Variants in ZGPAT observed in about 807,000 individuals in gnomAD.
The protein encoded by ZGPAT is zinc finger CCCH-type and G-patch domain containing.
A neutral mutation model predicts 47.9 loss-of-function variants in ZGPAT; 39 were observed. The ratio of observed to expected loss-of-function variants is 0.81; its 90% CI spans 0.63 to 1.06. ZGPAT has a LOEUF of 1.06. ZGPAT is among the 50% of genes least tolerant of loss of function. The pLI is 0.00. For missense variants in ZGPAT, 717 were observed against 681.4 expected, an observed-to-expected ratio of 1.05 and a Z score of -0.58; for synonymous variants, 348 against 292.9, an observed-to-expected ratio of 1.19 and a Z score of -1.92.
intron 2 of ZGPAT, among the ~76,000 whole-genome samples, chr20:63,711,740 G>A (rs1188915116): frequency 5.3e-5 from 8 of 151,916 alleles, no homozygotes; most frequent in African/African-American, 1.2e-4. Context: ...CTGTCACCAC[G>A]TGGTGCCCAG....
chr20:63,724,246 A>G (rs953911726), intron 2 of ZGPAT, among the ~76,000 whole-genome samples: 3 of 151,824 alleles, frequency 2.0e-5, no homozygotes, highest in Non-Finnish European at 2.9e-5. Context: ...GGTGTCTGTA[A>G]TCCCAGCTAC....
At chr20:63,729,270 TCCGC>T (rs1475979050) in intron 2 of ZGPAT, among the ~76,000 whole-genome samples, 1 of 152,166 alleles carries the variant, frequency 6.6e-6, no homozygotes. Flanking sequence ...CCTCAAGTGA[TCCGC>T]CTACCTCAGC....
At chr20:63,733,468 C>T in intron 3 of ZGPAT, 116 bp downstream of exon 3, 1 of 1,597,698 alleles carries the variant, frequency 6.3e-7, no homozygotes, top group East Asian at 2.2e-5. Context: ...GGCTCTGGGC[C>T]CGAAATGAGC....
chr20:63,731,585 CAT>C (rs1318971078), intron 2 of ZGPAT, among the ~76,000 whole-genome samples: 3 of 140,154 alleles, frequency 2.1e-5, no homozygotes, highest in Non-Finnish European at 4.6e-5. Context: ...CATGTGCATA[CAT>C]GTGTAAAGTG....
chr20:63,709,378 C>T (rs1170954460), intron 2 of ZGPAT, among the ~76,000 whole-genome samples: 2 of 152,180 alleles, frequency 1.3e-5, no homozygotes, highest in East Asian at 3.9e-4. Flanking sequence ...TGGCTCACGC[C>T]TGTAATCCCA....
intron 2 of ZGPAT, among the ~76,000 whole-genome samples, chr20:63,715,568 C>T (rs1471129081): frequency 2.6e-5 from 4 of 151,992 alleles, no homozygotes; most frequent in African/African-American, 9.7e-5. Context: ...AAGTTTAAGG[C>T]CTTATCATGT....
At chr20:63,733,157 C>T (rs2091940308) in intron 2 of ZGPAT, 62 bp from the exon 3 acceptor site, 13 of 1,587,240 alleles carry the variant, frequency 8.2e-6, no homozygotes, top group South Asian at 1.1e-5. Flanking sequence ...GTCAGTGCTC[C>T]TGGGTTGGTT....
At chr20:63,713,639 G>A (rs2091694378) in intron 2 of ZGPAT, among the ~76,000 whole-genome samples, 1 of 151,326 alleles carries the variant, frequency 6.6e-6, no homozygotes, top group Admixed American at 6.6e-5. Flanking sequence ...GGGAGGCCAA[G>A]GCGGGTGGAT....
At chr20:63,724,797 C>G (rs1194394389) in intron 2 of ZGPAT, among the ~76,000 whole-genome samples, 1 of 151,606 alleles carries the variant, frequency 6.6e-6, no homozygotes, top group Non-Finnish European at 1.5e-5. Flanking sequence ...CCTCAGCCTC[C>G]CAAGTAGCTG....
intron 4 of ZGPAT, chr20:63,733,974 G>C: frequency 1.7e-6 from 1 of 575,012 alleles, no homozygotes; most frequent in Non-Finnish European, 3.0e-6. Context: ...CCATGGTCGT[G>C]GCTGTGGCCA....
chr20:63,731,184 C>T (rs1302666519), intron 2 of ZGPAT, among the ~76,000 whole-genome samples: 1 of 152,158 alleles, frequency 6.6e-6, no homozygotes, highest in Non-Finnish European at 1.5e-5. Flanking sequence ...CAGAAGGCTG[C>T]TGCCACACTG....
intron 2 of ZGPAT, among the ~76,000 whole-genome samples, chr20:63,731,767 C>G (rs1326353537): frequency 2.0e-5 from 3 of 152,118 alleles, no homozygotes; most frequent in Admixed American, 2.0e-4. Flanking sequence ...TTGGTATCTG[C>G]AGGTTCCATA....
At chr20:63,732,848 GTGTGTACA>G (rs1252180365) in intron 2 of ZGPAT, among the ~76,000 whole-genome samples, 1 of 152,104 alleles carries the variant, frequency 6.6e-6, no homozygotes, top group East Asian at 1.9e-4. Flanking sequence ...GAGTGCATGT[GTGTGTACA>G]TGTGTATATG....
intron 2 of ZGPAT, among the ~76,000 whole-genome samples, chr20:63,724,213 A>G (rs770388607): frequency 7.2e-5 from 11 of 152,042 alleles, no homozygotes; most frequent in Admixed American, 4.6e-4. Context: ...TAAAAATACA[A>G]AAAGTAGCCG....
chr20:63,721,781 C>T (rs975889434), intron 2 of ZGPAT, among the ~76,000 whole-genome samples: 4 of 151,858 alleles, frequency 2.6e-5, no homozygotes, highest in Admixed American at 6.6e-5. Context: ...TTTGGGAGGC[C>T]GAGGCGGGTG....
chr20:63,717,881 A>G (rs1298978026), intron 2 of ZGPAT, among the ~76,000 whole-genome samples: 1 of 152,064 alleles, frequency 6.6e-6, no homozygotes, highest in African/African-American at 2.4e-5. Context: ...CATCTCTACT[A>G]AAAATACAAA....
rs201232272 is a variant in ZGPAT at position 63,708,538 on chromosome 20, C to T, written c.-28-15C>T. 6.1e-4 allele frequency: 927 copies of T among 1,530,878 alleles called. 3 individuals are homozygous for T. The highest frequency in any genetic ancestry group is 1.1e-3 in the East Asian group (46 of 43,762). The allele number at this position is 1,530,878 out of a possible 1,614,324, so 94.8% of individuals were successfully genotyped here. On this transcript the variant is annotated splice_polypyrimidine_tract_variant and intron_variant, in intron 1 of 6. Coordinates refer to ENST00000355969, the MANE Select transcript of ZGPAT (RefSeq NM_181485.3). ...GTCCCGAGACGCGGGGCTCAGCTGG[C>T]TTCTCTTCTTGCAGCCCTGGTCCAG...
intron 2 of ZGPAT, among the ~76,000 whole-genome samples, chr20:63,730,922 T>TCTCTC (rs2091891158): frequency 8.0e-6 from 1 of 124,532 alleles, no homozygotes; most frequent in Non-Finnish European, 1.7e-5. Context: ...TTCCTCTTCA[T>TCTCTC]TCTCTCTCTC....
At chr20:63,723,915 C>CA (rs1304560563) in intron 2 of ZGPAT, among the ~76,000 whole-genome samples, 1 of 150,982 alleles carries the variant, frequency 6.6e-6, no homozygotes, top group East Asian at 2.0e-4. Context: ...ACCAAAATTA[C>CA]AAAAAATTAG....
Sources: allele counts gnomAD v4.1 joint callset (sites outside exome capture counted in the v4.1 genomes callset), GRCh38; gene constraint gnomAD v4.1.1; transcripts MANE v1.5; gene names NCBI Gene and HGNC (gene_info 2026-07-23, HGNC 2026-07-21).